Variants in MAP3K15 observed in about 807,000 individuals in gnomAD.
MAP3K15 encodes the protein mitogen-activated protein kinase kinase kinase 15.
In MAP3K15, 124 loss-of-function variants were observed where a neutral mutation model predicts 99.5. The ratio of observed to expected loss-of-function variants is 1.25; its 90% CI spans 1.08 to 1.45. The LOEUF (loss-of-function observed/expected upper bound fraction) is 1.45, where lower values mean the gene tolerates loss of function less well. MAP3K15 is among the 40% of genes most tolerant of loss of function. The probability of loss-of-function intolerance (pLI) is 0.00; values close to 1 mark genes in which losing one functional copy is unlikely to be tolerated. For synonymous variants in MAP3K15, 494 were observed against 439.6 expected, an observed-to-expected ratio of 1.12 and a Z score of -1.55; for missense variants, 1,242 against 1,079.7, an observed-to-expected ratio of 1.15 and a Z score of -2.11.
intron 6 of MAP3K15, among the ~76,000 whole-genome samples, chrX:19,454,603 A>G (rs1201969288): frequency 1.8e-5 from 2 of 111,132 alleles, no homozygotes; most frequent in Non-Finnish European, 3.8e-5. Flanking sequence ...ATTACTGCCA[A>G]CCTTCAGTAA....
At chrX:19,386,282 C>G (rs1179688797) in intron 18 of MAP3K15, among the ~76,000 whole-genome samples, 2 of 110,997 alleles carry the variant, frequency 1.8e-5, no homozygotes, top group African/African-American at 6.6e-5. Context: ...ATGGTGAAAC[C>G]CCGTCTCTAC....
intron 26 of MAP3K15, among the ~76,000 whole-genome samples, chrX:19,362,230 CTT>C (rs1159241316): frequency 2.2e-4 from 17 of 75,673 alleles, no homozygotes; most frequent in Admixed American, 1.4e-4. Context: ...CCTTTTGAAT[CTT>C]TTTTTTTTTT....
At chrX:19,413,819 G>A (rs1295630607) in intron 10 of MAP3K15, among the ~76,000 whole-genome samples, 3 of 106,635 alleles carry the variant, frequency 2.8e-5, no homozygotes. Context: ...GAGAAAAGGT[G>A]GGGAGAAAGA....
intron 9 of MAP3K15, among the ~76,000 whole-genome samples, chrX:19,419,896 C>T (rs1486460793): frequency 1.9e-4 from 21 of 111,852 alleles, no homozygotes; most frequent in East Asian, 1.4e-3. Flanking sequence ...CACTCAAAAC[C>T]GCTCAACTAC....
Position 19,431,517 on chromosome X carries a change from G to C in MAP3K15, c.1087C>G (p.Leu363Val), listed in dbSNP as rs763121183. 8.3e-7 allele frequency: 1 copy of C among 1,199,884 alleles called. No homozygotes were observed. ...CDHPGPDMFC[L>V]CGRIYKDIFL... ...ATGTCCTTGTAGATCCTCCCACACA[G>C]GCAGAACATGTCGGGGCCCGGGTGA... is the stretch of plus-strand genomic sequence containing the variant. The change falls in exon 7 of 29, where the codon CTG (leucine) becomes GTG (valine). Residue 363 changes from leucine (L) to valine (V), a missense_variant. Physicochemically the swap from Leu to Val is conservative, Grantham distance 32. Coordinates refer to ENST00000338883, the MANE Select transcript of MAP3K15 (RefSeq NM_001001671.4).
At chrX:19,433,007 C>T (rs772753448) in intron 6 of MAP3K15, among the ~76,000 whole-genome samples, 127 of 112,414 alleles carry the variant, frequency 1.1e-3, no homozygotes, top group Middle Eastern at 4.6e-3. Context: ...ACACCGTGCC[C>T]AGCCAAGTGT....
At chrX:19,467,620 A>AGCCAGGT (rs890654109) in intron 3 of MAP3K15, among the ~76,000 whole-genome samples, 8 of 108,661 alleles carry the variant, frequency 7.4e-5, no homozygotes, top group Non-Finnish European at 9.6e-5. Flanking sequence ...TACAAAAATT[A>AGCCAGGT]GCCAGGTGTG....
intron 9 of MAP3K15, among the ~76,000 whole-genome samples, chrX:19,423,986 T>C (rs939928323): frequency 1.8e-5 from 2 of 111,129 alleles, no homozygotes; most frequent in Non-Finnish European, 3.8e-5. Context: ...TGTCACACAT[T>C]TTTGCTGGGA....
chrX:19,406,258 C>T (rs2063646689), intron 13 of MAP3K15, among the ~76,000 whole-genome samples: 1 of 112,445 alleles, frequency 8.9e-6, no homozygotes, highest in South Asian at 3.6e-4. Context: ...CATGTCCTCA[C>T]AAATACTTGC....
chrX:19,515,183 C>A lies in MAP3K15; in HGVS notation c.79G>T (p.Gly27Trp). 1.2e-5 allele frequency: 10 copies of A among 846,472 alleles called. No homozygotes were observed. Among genetic ancestry groups the A allele is most frequent in the Non-Finnish European group, 1.4e-5 (10 of 697,251 alleles). The allele number at this position is 846,472 out of a possible 1,213,427, so 69.8% of individuals were successfully genotyped here. A position where few individuals can be genotyped will look rare whatever the true frequency, so the allele number is the denominator to read the frequency against. The change falls in exon 1 of 29, where the codon GGG becomes TGG. Residue 27 changes from glycine (G) to tryptophan (W), a missense_variant. Gly to Trp is a radical substitution (Grantham distance 184). Transcript: ENST00000338883. ...GCCGGCCCGGCCGCGCCCTCCACCCCCGGCGGCGGCGGGCACTGAGGGGAC... is the reference window on the plus strand; with the variant it reads ...GCCGGCCCGGCCGCGCCCTCCACCCACGGCGGCGGCGGGCACTGAGGGGAC... Reference protein sequence around the residue: ...SESPQCPPPPGVEGAAGPAEP... With the variant: ...SESPQCPPPPWVEGAAGPAEP...
At position 19,515,009 on chromosome X, in the gene MAP3K15, G is replaced by A. The variant is rs1335205066; in HGVS notation, c.253C>T (p.Gln85Ter). Residue 85 changes from glutamine (Q) to a stop codon, truncating the protein, a stop_gained, in exon 1 of 29, where the codon CAG becomes TAG. Transcript: ENST00000338883. LOFTEE classifies it high-confidence loss of function. Reference protein sequence around the residue: ...AAGGPEAGARQCLLRACEAEG... With the variant: ...AAGGPEAGAR ...GCCTCGCAGGCCCGCAGCAGGCACTGCCGCGCCCCAGCCTCCGGGCCGCCG... is the reference window on the plus strand; with the variant it reads ...GCCTCGCAGGCCCGCAGCAGGCACTACCGCGCCCCAGCCTCCGGGCCGCCG... The A allele has an allele frequency of 9.1e-7, 1 of 1,098,917 alleles. No homozygotes were observed. 90.6% of individuals were successfully genotyped at this position (1,098,917 alleles called of 1,213,427 possible).
At position 19,432,279 on chromosome X, in the gene MAP3K15, T is replaced by G. The variant is rs1393571379; in HGVS notation, c.996-671A>C. Among the ~76,000 whole-genome samples the G allele has an allele frequency of 1.4e-4, 15 of 110,606 alleles. 1 individual carries two copies. The highest frequency in any genetic ancestry group is 5.7e-5 in the Non-Finnish European group (3 of 52,786). On this transcript the variant is annotated intron_variant, in intron 6 of 28. Coordinates refer to ENST00000338883, the MANE Select transcript of MAP3K15 (RefSeq NM_001001671.4). ...TCAAACAAATCCACTATAAAACATATGAGGCTGGGTACAGTGGCTCACACC... is the reference window on the plus strand; with the variant it reads ...TCAAACAAATCCACTATAAAACATAGGAGGCTGGGTACAGTGGCTCACACC...
intron 6 of MAP3K15, among the ~76,000 whole-genome samples, chrX:19,450,351 G>A (rs1250464862): frequency 1.8e-5 from 2 of 108,469 alleles, no homozygotes; most frequent in South Asian, 4.2e-4. Flanking sequence ...GAGGAGAAGA[G>A]GACAGGAGAA....
chrX:19,420,195 G>C (rs1433081198), intron 9 of MAP3K15, among the ~76,000 whole-genome samples: 2 of 111,298 alleles, frequency 1.8e-5, no homozygotes, highest in Non-Finnish European at 3.8e-5. Context: ...GATCAGAGCA[G>C]AACTGAAGGA....
chrX:19,488,914 G>T lies in MAP3K15; in HGVS notation c.415C>A (p.His139Asn). ...TCAAAGCTTTCTCGGACTCCAAGAT[G>T]GTAGAAGAGGGAAGGCTGTCTGGAG... Reference protein sequence around the residue: ...DVSRQPSLFYHLGVRESFDMA... With the variant: ...DVSRQPSLFYNLGVRESFDMA... The change falls in exon 2 of 29, where the codon CAT becomes AAT. Residue 139 changes from histidine to asparagine, a missense_variant. Transcript: ENST00000338883. The T allele has an allele frequency of 8.3e-7, 1 of 1,198,371 alleles. No individual in the cohort carries two copies. Among genetic ancestry groups the T allele is most frequent in the Non-Finnish European group, 1.1e-6 (1 of 893,838 alleles).
rs1259836865 is a variant in MAP3K15 at position 19,415,200 on chromosome X, A to G, written c.1497T>C (p.Ile499=). ...LLLIRRFKKT[I]IEHSPRQERL... ...GCTCTTGCCTGGGCGAGTGTTCAATAATGGTTTTCTTGAAGCGCCGAATTA... is the reference window on the plus strand; with the variant it reads ...GCTCTTGCCTGGGCGAGTGTTCAATGATGGTTTTCTTGAAGCGCCGAATTA... Residue 499 remains isoleucine (I), a synonymous_variant, in exon 10 of 29, where the codon ATT becomes ATC. Transcript: ENST00000338883. 2 of 1,179,008 alleles carry G rather than the reference A, an allele frequency of 1.7e-6. No homozygotes were observed. Among genetic ancestry groups the G allele is most frequent in the Non-Finnish European group, 2.3e-6 (2 of 884,800 alleles).
chrX:19,373,511 GCAGA>G (rs1251949500), intron 21 of MAP3K15, 21 bp downstream of exon 21: 16 of 1,164,064 alleles, frequency 1.4e-5, no homozygotes, highest in South Asian at 1.9e-5. Flanking sequence ...CGGGCCCGCG[GCAGA>G]CAGACAGAAT....
intron 1 of MAP3K15, among the ~76,000 whole-genome samples, chrX:19,501,290 T>C (rs2064438865): frequency 8.9e-6 from 1 of 111,858 alleles, no homozygotes; most frequent in Admixed American, 9.5e-5. Flanking sequence ...AAATCGTACT[T>C]ATATTCTAGA....
intron 1 of MAP3K15, among the ~76,000 whole-genome samples, chrX:19,502,148 GGGGAGTCCATGCA>G (rs764428376): frequency 9.0e-6 from 1 of 110,509 alleles, no homozygotes; most frequent in East Asian, 2.9e-4. Context: ...GGGAGAAGGA[GGGGAGTCCATGCA>G]GGCTCCCTTG....
Sources: gnomAD v4.1 joint callset for allele counts (sites outside exome capture counted in the v4.1 genomes callset) on GRCh38, gnomAD v4.1.1 for gene constraint, MANE v1.5 for transcripts, NCBI Gene and HGNC (gene_info 2026-07-23, HGNC 2026-07-21) for gene names.